The following KCND2 variants were observed in gnomAD, a reference collection of about 807,000 sequenced individuals.
KCND2 encodes potassium voltage-gated channel subfamily D member 2.
In KCND2, 16 loss-of-function variants were observed where a neutral mutation model predicts 54.4. The observed-to-expected ratio is 0.29, with a 90% CI of 0.20 to 0.45. The LOEUF (loss-of-function observed/expected upper bound fraction) is 0.45. Among genes scored for constraint, KCND2 ranks in the 20% least tolerant of loss-of-function variants. KCND2 has a pLI of 1.00. For synonymous variants in KCND2, 317 were observed against 310.7 expected (o/e 1.02, Z -0.21); for missense variants, 486 against 824.2 (o/e 0.59, Z 5.02).
In KCND2 at chr7:120,561,193, T is replaced by C. The variant is rs369690091; in HGVS notation, c.1116-171710T>C. 3.3e-5 allele frequency among the ~76,000 whole-genome samples: 5 copies of C among 152,188 alleles called. No homozygotes were observed. In the South Asian group the frequency reaches 8.3e-4, roughly 25 times the overall value. On this transcript the variant is annotated intron_variant, in intron 1 of 5. Transcript: ENST00000331113. ...TTAATTTATTTATGACTTAACAGCA[T>C]TGAGAGCTTACTCTGCATTCAGCAC...
chr7:120,740,187 T>G (rs1792923276), intron 2 of KCND2, among the ~76,000 whole-genome samples: 3 of 152,042 alleles, frequency 2.0e-5, no homozygotes, highest in Admixed American at 2.0e-4. Flanking sequence ...TCTCACAGGA[T>G]TCTCTAGAAA....
At chr7:120,473,530 C>T (rs543788352) in intron 1 of KCND2, among the ~76,000 whole-genome samples, 1 of 152,272 alleles carries the variant, frequency 6.6e-6, no homozygotes, top group African/African-American at 2.4e-5. Flanking sequence ...CTAATACTAT[C>T]TCTTCCTCCA....
intron 1 of KCND2, among the ~76,000 whole-genome samples, chr7:120,472,565 A>ACG (rs1802474463): frequency 1.7e-5 from 2 of 117,468 alleles, no homozygotes; most frequent in Admixed American, 9.1e-5. Context: ...CTTTAAATAC[A>ACG]CACACACACA....
chr7:120,465,365 GA>G (rs1031254536), intron 1 of KCND2, among the ~76,000 whole-genome samples: 17 of 151,934 alleles, frequency 1.1e-4, no homozygotes, highest in African/African-American at 4.1e-4. Flanking sequence ...TAAGCACCGA[GA>G]AAAAAGGCAT....
chr7:120,273,339 T>G lies in KCND2; in HGVS notation c.-1294T>G, dbSNP rs1273806827. Among the ~76,000 whole-genome samples, 1 of 149,964 alleles carries G rather than the reference T, an allele frequency of 6.7e-6. No individual in the cohort carries two copies. ...CGCCCCCGCGCTGCCGAGCGCCTTCTGCCTCCGCGCTCGGACGAGAGCCCG... is the reference window on the plus strand; with the variant it reads ...CGCCCCCGCGCTGCCGAGCGCCTTCGGCCTCCGCGCTCGGACGAGAGCCCG... On this transcript the variant is annotated 5_prime_UTR_variant, in exon 1 of 6. Transcript: ENST00000331113.
intron 1 of KCND2, among the ~76,000 whole-genome samples, chr7:120,640,660 A>G (rs771996458): frequency 2.6e-5 from 4 of 152,186 alleles, no homozygotes; most frequent in Admixed American, 6.6e-5. Flanking sequence ...AGTTTTAGTA[A>G]GTTTCTTACT....
intron 1 of KCND2, among the ~76,000 whole-genome samples, chr7:120,433,199 G>A (rs1801819268): frequency 6.6e-6 from 1 of 152,176 alleles, no homozygotes; most frequent in Non-Finnish European, 1.5e-5. Flanking sequence ...CAGGGGTGAA[G>A]AACCCTGTTG....
At chr7:120,731,912 G>T (rs530120017) in intron 1 of KCND2, among the ~76,000 whole-genome samples, 9 of 152,260 alleles carry the variant, frequency 5.9e-5, no homozygotes, top group Non-Finnish European at 1.0e-4. Flanking sequence ...TGGCAGAATT[G>T]TGGGGGGAAA....
intron 1 of KCND2, among the ~76,000 whole-genome samples, chr7:120,658,734 G>T (rs1188443067): frequency 6.6e-6 from 1 of 152,144 alleles, no homozygotes; most frequent in African/African-American, 2.4e-5. Flanking sequence ...CCAAGGACTG[G>T]TATTCATTCT....
chr7:120,517,802 C>T (rs1327059700), intron 1 of KCND2, among the ~76,000 whole-genome samples: 1 of 152,022 alleles, frequency 6.6e-6, no homozygotes, highest in Non-Finnish European at 1.5e-5. Flanking sequence ...GATATAAAAC[C>T]TCCTAAATTT....
At chr7:120,424,582 C>T (rs901307272) in intron 1 of KCND2, among the ~76,000 whole-genome samples, 3 of 152,306 alleles carry the variant, frequency 2.0e-5, no homozygotes, top group African/African-American at 7.2e-5. Context: ...GGAAAAAAGA[C>T]ATATTTGATA....
At chr7:120,661,507 A>G (rs1406873217) in intron 1 of KCND2, among the ~76,000 whole-genome samples, 1 of 152,012 alleles carries the variant, frequency 6.6e-6, no homozygotes, top group Non-Finnish European at 1.5e-5. Flanking sequence ...AAAATTAGCC[A>G]GGCATGGTGA....
chr7:120,574,505 G>C (rs1792403033), intron 1 of KCND2, among the ~76,000 whole-genome samples: 1 of 152,098 alleles, frequency 6.6e-6, no homozygotes, highest in South Asian at 2.1e-4. Flanking sequence ...CATTTAATAA[G>C]AGGCTATTCT....
chr7:120,543,341 T>TTATC (rs1486758692), intron 1 of KCND2, among the ~76,000 whole-genome samples: 1 of 151,958 alleles, frequency 6.6e-6, no homozygotes, highest in Non-Finnish European at 1.5e-5. Flanking sequence ...TCTTCTTTGG[T>TTATC]TATCCTCTTA....
Position 120,676,584 on chromosome 7 carries a change from CA to C in KCND2, c.1116-56317del, listed in dbSNP as rs1249729727. ...GAATGTAGTTATTGTATATTGGCCA[CA>C]ACTTCATATTTCTATTGATTATTAT... On this transcript the variant is annotated intron_variant, in intron 1 of 5. Transcript: ENST00000331113. Among the ~76,000 whole-genome samples the C allele has an allele frequency of 2.0e-5, 3 of 152,142 alleles. No homozygotes were observed. The South Asian group carries it at 6.2e-4, about 32-fold the overall frequency.
chr7:120,373,156 A>G (rs1158330618), intron 1 of KCND2, among the ~76,000 whole-genome samples: 25 of 151,878 alleles, frequency 1.6e-4, no homozygotes, highest in Non-Finnish European at 1.5e-5. Flanking sequence ...TAATTTTTAT[A>G]GGGATTATTT....
At chr7:120,715,274 A>G (rs2116082495) in intron 1 of KCND2, among the ~76,000 whole-genome samples, 1 of 152,182 alleles carries the variant, frequency 6.6e-6, no homozygotes, top group Admixed American at 6.6e-5. Flanking sequence ...AAAAAATATG[A>G]TAGTTGTGTA....
At chr7:120,476,096 T>C (rs1295466062) in intron 1 of KCND2, among the ~76,000 whole-genome samples, 1 of 152,228 alleles carries the variant, frequency 6.6e-6, no homozygotes, top group Non-Finnish European at 1.5e-5. Flanking sequence ...AGGCCCCAGC[T>C]ATGTAAGTGG....
At chr7:120,423,512 C>T (rs905786206) in intron 1 of KCND2, among the ~76,000 whole-genome samples, 19 of 152,300 alleles carry the variant, frequency 1.2e-4, no homozygotes, top group African/African-American at 4.1e-4. Flanking sequence ...AAAATCAAGA[C>T]GCATAGTTTA....
Sources: allele counts gnomAD v4.1 joint callset (sites outside exome capture counted in the v4.1 genomes callset), GRCh38; gene constraint gnomAD v4.1.1; transcripts MANE v1.5; gene names NCBI Gene and HGNC (gene_info 2026-07-23, HGNC 2026-07-21).